SLC4A8: variants seen among roughly 807,000 people sequenced by gnomAD.
The protein encoded by SLC4A8 is electroneutral sodium bicarbonate exchanger 1.
A neutral mutation model predicts 125.0 loss-of-function variants in SLC4A8; 40 were observed. The ratio of observed to expected loss-of-function variants is 0.32; its 90% CI spans 0.25 to 0.42. The LOEUF (loss-of-function observed/expected upper bound fraction) is 0.42, where lower values mean the gene tolerates loss of function less well. SLC4A8 is among the 10% of genes least tolerant of loss of function. The pLI is 1.00. For missense variants in SLC4A8, 863 were observed against 1,355.1 expected (o/e 0.64, Z 5.70); for synonymous variants, 456 against 476.0 (o/e 0.96, Z 0.55).
intron 1 of SLC4A8, among the ~76,000 whole-genome samples, chr12:51,392,571 CAAAAAA>C (rs35992841): frequency 5.0e-5 from 6 of 119,216 alleles, no homozygotes; most frequent in East Asian, 4.5e-4. Flanking sequence ...GATTCCGTAT[CAAAAAA>C]AAAAAAAAAG....
At chr12:51,459,451 T>A (rs934084420) in intron 7 of SLC4A8, among the ~76,000 whole-genome samples, 22 of 152,264 alleles carry the variant, frequency 1.4e-4, no homozygotes, top group African/African-American at 5.3e-4. Context: ...ATACTTCATT[T>A]TTTTTTTTTC....
At chr12:51,401,948 T>TTG (rs1948402462) in intron 1 of SLC4A8, among the ~76,000 whole-genome samples, 1 of 152,032 alleles carries the variant, frequency 6.6e-6, no homozygotes, top group Non-Finnish European at 1.5e-5. Flanking sequence ...TATTTTTTTT[T>TTG]GTAGAGATGG....
chr12:51,471,654 G>A (rs1317188408), intron 14 of SLC4A8, 122 bp downstream of exon 14: 19 of 1,097,344 alleles, frequency 1.7e-5, no homozygotes, highest in Admixed American at 9.2e-5. Context: ...TTTAGGAAAC[G>A]GATCTCAGAT....
intron 20 of SLC4A8, 34 bp from the exon 21 acceptor site, chr12:51,494,911 C>T (rs1264567917): frequency 1.9e-6 from 3 of 1,598,020 alleles, no homozygotes; most frequent in African/African-American, 2.7e-5. Flanking sequence ...CCAGAATGCC[C>T]TCCTGAAAAT....
chr12:51,507,479 T>G lies in SLC4A8; in HGVS notation c.*41T>G. On this transcript the variant is annotated 3_prime_UTR_variant, in exon 25 of 25. Transcript: ENST00000453097. ...TGGAAGATTTGGGCCGTGTGGTGCC[T>G]CAGGGAAGTTCTGGTTACAGAGAAA... is the stretch of plus-strand genomic sequence containing the variant. 1 of 1,352,974 alleles carries G rather than the reference T, an allele frequency of 7.4e-7. No homozygotes were observed. The highest frequency in any genetic ancestry group is 9.6e-7 in the Non-Finnish European group (1 of 1,038,432). The allele number at this position is 1,352,974 out of a possible 1,614,324, so 83.8% of individuals were successfully genotyped here.
chr12:51,461,066 C>G (rs1381872582), intron 8 of SLC4A8, 138 bp from the exon 9 acceptor site: 8 of 505,236 alleles, frequency 1.6e-5, no homozygotes, highest in Non-Finnish European at 3.5e-6. Flanking sequence ...TCCTTCATTA[C>G]TGTCTTCTTT....
chr12:51,490,273 AG>A (rs1384603560), intron 19 of SLC4A8, among the ~76,000 whole-genome samples: 1 of 152,014 alleles, frequency 6.6e-6, no homozygotes, highest in Non-Finnish European at 1.5e-5. Flanking sequence ...GATGAGGTGG[AG>A]GCCAGGCGCG....
At position 51,416,211 on chromosome 12, in the gene SLC4A8, G is replaced by GTTTTTTT. The variant is rs57565585; in HGVS notation, c.-111-24482_-111-24476dup. On this transcript the variant is annotated intron_variant, in intron 1 of 24. Transcript: ENST00000358657. ...TTTGCCTGTTTGATGGAGGTCTTTTGTTTTTTTTTTTTTTTTTTTTTGAGA... is the reference window on the plus strand; with the variant it reads ...TTTGCCTGTTTGATGGAGGTCTTTTGTTTTTTTTTTTTTTTTTTTTTTTTTTTTGAGA... Among the ~76,000 whole-genome samples the GTTTTTTT allele has an allele frequency of 2.7e-3, 221 of 82,386 alleles. 6 individuals are homozygous for GTTTTTTT. The highest frequency in any genetic ancestry group is 0.011 in the Middle Eastern group (1 of 90). The allele number at this position is 82,386 out of a possible 152,430, so 54.0% of individuals were successfully genotyped here. A position where few individuals can be genotyped will look rare whatever the true frequency, so the allele number is the denominator to read the frequency against.
At chr12:51,425,125 C>T (rs1948923327) in intron 1 of SLC4A8, 90 bp downstream of exon 1, 1 of 1,479,212 alleles carries the variant, frequency 6.8e-7, no homozygotes, top group African/African-American at 1.4e-5. Context: ...CCCCCGAGCC[C>T]AGGCTTCCCA....
Position 51,500,850 on chromosome 12 carries a change from C to CTT in SLC4A8, c.3082-3167_3082-3166dup, listed in dbSNP as rs71092703. Among the ~76,000 whole-genome samples, 517 of 142,650 alleles carry CTT rather than the reference C, an allele frequency of 3.6e-3. 1 individual carries two copies. The highest frequency in any genetic ancestry group is 0.011 in the African/African-American group (439 of 39,186). The allele number at this position is 142,650 out of a possible 152,430, so 93.6% of individuals were successfully genotyped here. A position where few individuals can be genotyped will look rare whatever the true frequency, so the allele number is the denominator to read the frequency against. ...TACAGGCTCTCGCCCCTGCGCCTGG[C>CTT]TTTTTTTTTTTTTCTTTCTTTCTTT... On this transcript the variant is annotated intron_variant, in intron 22 of 24. Transcript: ENST00000453097.
At chr12:51,467,974 A>G (rs1950572462) in intron 11 of SLC4A8, among the ~76,000 whole-genome samples, 1 of 152,220 alleles carries the variant, frequency 6.6e-6, no homozygotes, top group South Asian at 2.1e-4. Flanking sequence ...TGTGTTAGCA[A>G]CATCTTTTTA....
intron 1 of SLC4A8, among the ~76,000 whole-genome samples, chr12:51,397,224 G>A (rs543193699): frequency 2.5e-4 from 38 of 152,166 alleles, no homozygotes; most frequent in African/African-American, 6.5e-4. Flanking sequence ...CACCACGCCC[G>A]GTCTCAGCCT....
intron 19 of SLC4A8, among the ~76,000 whole-genome samples, chr12:51,493,012 A>T (rs1347882129): frequency 1.3e-5 from 2 of 152,164 alleles, no homozygotes; most frequent in Non-Finnish European, 2.9e-5. Flanking sequence ...GAATATTTAT[A>T]TAGTCCCAAA....
chr12:51,504,317 G>A (rs534298491), intron 23 of SLC4A8, among the ~76,000 whole-genome samples, 197 bp downstream of exon 23: 46 of 152,290 alleles, frequency 3.0e-4, no homozygotes, highest in Admixed American at 1.4e-3. Context: ...ACTGTATCAG[G>A]TTATGGGAAT....
At position 51,424,887 on chromosome 12, in the gene SLC4A8, T is replaced by TG. The variant is rs1017997145; in HGVS notation, c.-96dup. On this transcript the variant is annotated 5_prime_UTR_variant, in exon 1 of 25. An upstream open reading frame in the 5' UTR gains an earlier in-frame stop. Coordinates refer to ENST00000453097, the MANE Select transcript of SLC4A8 (RefSeq NM_001039960.3). ...TGATGGTTGACCGTTGGCTCCGGGGTGGGGGTCGCCGTTCGAGTGATCTGC... is the reference window on the plus strand; with the variant it reads ...TGATGGTTGACCGTTGGCTCCGGGGTGGGGGGTCGCCGTTCGAGTGATCTGC... 8 of 1,270,290 alleles carry TG rather than the reference T, an allele frequency of 6.3e-6. No individual in the cohort carries two copies. In the Admixed American group the frequency reaches 8.6e-5, roughly 14 times the overall value. 78.7% of individuals were successfully genotyped at this position (1,270,290 alleles called of 1,614,324 possible).
At chr12:51,412,250 C>T (rs1948609266) in intron 1 of SLC4A8, among the ~76,000 whole-genome samples, 1 of 151,910 alleles carries the variant, frequency 6.6e-6, no homozygotes, top group Non-Finnish European at 1.5e-5. Flanking sequence ...TCAATTGGAT[C>T]ATATGAATTA....
chr12:51,458,736 GT>G (rs1592218714), intron 7 of SLC4A8, 86 bp downstream of exon 7: 1 of 910,972 alleles, frequency 1.1e-6, no homozygotes, highest in Non-Finnish European at 1.8e-6. Flanking sequence ...TCTGGGTAAG[GT>G]TTAGTGTTTC....
At chr12:51,407,748 C>T (rs1948516426) in intron 1 of SLC4A8, 1 of 152,246 alleles carries the variant, frequency 6.6e-6, no homozygotes, top group Admixed American at 6.5e-5. Flanking sequence ...AGCTGCCTGC[C>T]CTGGTGTGGG....
rs547817454 is a variant in SLC4A8 at position 51,433,067 on chromosome 12, T to A, written c.49-7641T>A. Among the ~76,000 whole-genome samples the A allele has an allele frequency of 1.5e-3, 230 of 152,290 alleles. 4 individuals are homozygous for A. Among genetic ancestry groups the A allele is most frequent in the South Asian group, 6.6e-3 (32 of 4,828 alleles). On this transcript the variant is annotated intron_variant, in intron 1 of 24. Coordinates refer to ENST00000453097, the MANE Select transcript of SLC4A8 (RefSeq NM_001039960.3). ...TGCTCCCCACCTTCCCTGTTCCCTG[T>A]AGCCTCTGTGGCTGCTTCCAGGAGC...
Sources: gnomAD v4.1 joint callset for allele counts (sites outside exome capture counted in the v4.1 genomes callset) on GRCh38, gnomAD v4.1.1 for gene constraint, MANE v1.5 for transcripts, NCBI Gene and HGNC (gene_info 2026-07-23, HGNC 2026-07-21) for gene names.